Variants in RFTN1 observed in about 807,000 individuals in gnomAD.
RFTN1 encodes raftlin.
A neutral mutation model predicts 46.5 loss-of-function variants in RFTN1; 26 were observed. The ratio of observed to expected loss-of-function variants is 0.56; its 90% CI spans 0.41 to 0.78. The LOEUF is 0.78. RFTN1 is among the 30% of genes least tolerant of loss of function. The pLI is 0.00. For missense variants in RFTN1, 693 were observed against 718.7 expected (o/e 0.96, Z 0.41); for synonymous variants, 261 against 284.2 (o/e 0.92, Z 0.82).
In RFTN1 at chr3:16,353,413, C is replaced by G. The variant is rs889099713; in HGVS notation, c.1146+4519G>C. 3.3e-5 allele frequency among the ~76,000 whole-genome samples: 5 copies of G among 152,162 alleles called. No homozygotes were observed. Among genetic ancestry groups the G allele is most frequent in the Non-Finnish European group, 5.9e-5 (4 of 68,036 alleles). ...GAGGTGCGGGGGAACCTGTCCCGGACTGGACATTGCTGGGCTGTGCTGGTT... is the reference window on the plus strand; with the variant it reads ...GAGGTGCGGGGGAACCTGTCCCGGAGTGGACATTGCTGGGCTGTGCTGGTT... On this transcript the variant is annotated intron_variant, in intron 7 of 9. Coordinates refer to ENST00000334133, the MANE Select transcript of RFTN1 (RefSeq NM_015150.2). This position sits in a 1 kb window ranked among gnomAD's most constrained non-coding sequence, Gnocchi z 5.4.
At chr3:16,332,414 CTTCTT>C (rs1185829007) in intron 7 of RFTN1, among the ~76,000 whole-genome samples, 2 of 84,276 alleles carry the variant, frequency 2.4e-5, no homozygotes, top group Non-Finnish European at 5.2e-5. Flanking sequence ...CTTTTGATTG[CTTCTT>C]TTTTTTTTTT....
intron 1 of RFTN1, among the ~76,000 whole-genome samples, chr3:16,495,862 C>T (rs987424680): frequency 6.6e-6 from 1 of 152,228 alleles, no homozygotes; most frequent in Non-Finnish European, 1.5e-5. Flanking sequence ...TGCATCCCCC[C>T]TTGGGAACAA....
rs540868542 is a variant in RFTN1, at chr3:16,385,283, C to T, written c.442-7181G>A. On this transcript the variant is annotated intron_variant, in intron 4 of 9. Transcript: ENST00000334133. The surrounding 1 kb of genome is among the most constrained non-coding windows in gnomAD (Gnocchi z 5.0). The stretch of plus-strand genomic sequence containing the variant: ...TGAAAAGGGAGGCTCAAAAATAACA[C>T]GGGTTTGAGCTCACATCTGAAGCCG... 5.3e-5 allele frequency among the ~76,000 whole-genome samples: 8 copies of T among 152,242 alleles called. No homozygotes were observed. Among genetic ancestry groups the T allele is most frequent in the Non-Finnish European group, 2.9e-5 (2 of 68,026 alleles).
chr3:16,476,756 CTGTT>C (rs1376629440), intron 2 of RFTN1, among the ~76,000 whole-genome samples: 5 of 152,154 alleles, frequency 3.3e-5, no homozygotes, highest in African/African-American at 2.4e-5. Flanking sequence ...GTGGGGGAAA[CTGTT>C]TGTTTACTTT....
intron 2 of RFTN1, among the ~76,000 whole-genome samples, chr3:16,434,534 A>C (rs531431100): frequency 4.6e-5 from 7 of 152,216 alleles, no homozygotes; most frequent in African/African-American, 1.7e-4. Flanking sequence ...TAGCCTGGGC[A>C]ACAGAGCAAG....
At chr3:16,414,199 C>T (rs2075027647) in intron 3 of RFTN1, among the ~76,000 whole-genome samples, 1 of 151,894 alleles carries the variant, frequency 6.6e-6, no homozygotes, top group Non-Finnish European at 1.5e-5. Context: ...AAAACCTCTG[C>T]CTTTGTGGAG....
In RFTN1 at chr3:16,335,932, T is replaced by G. The variant is rs1323558836; in HGVS notation, c.1147-9056A>C. ...GGAAGTGGCCGACAGCAAGGACTGGTGGCAGCTGCTAGTGCAGAGGAGGCA... is the reference window on the plus strand; with the variant it reads ...GGAAGTGGCCGACAGCAAGGACTGGGGGCAGCTGCTAGTGCAGAGGAGGCA... On this transcript the variant is annotated intron_variant, in intron 7 of 9. Transcript: ENST00000334133. The surrounding 1 kb of genome is among the most constrained non-coding windows in gnomAD (Gnocchi z 4.7). 6.6e-6 allele frequency among the ~76,000 whole-genome samples: 1 copy of G among 152,198 alleles called. No homozygotes were observed. Among genetic ancestry groups the G allele is most frequent in the Non-Finnish European group, 1.5e-5 (1 of 68,028 alleles).
chr3:16,463,134 C>CTTTTTA (rs1451003572), intron 2 of RFTN1, among the ~76,000 whole-genome samples: 1 of 152,104 alleles, frequency 6.6e-6, no homozygotes, highest in Non-Finnish European at 1.5e-5. Flanking sequence ...TATGCTTTTT[C>CTTTTTA]TTTTTATTTA....
rs1384206349 is a variant in RFTN1, at chr3:16,351,078, G to T, written c.1146+6854C>A. ...ATGTGTTATTACACAGGATTCACAG[G>T]ATTATGAGACAGGGTTACAGGCCAG... is the stretch of plus-strand genomic sequence containing the variant. On this transcript the variant is annotated intron_variant, in intron 7 of 9. Transcript: ENST00000334133. The surrounding 1 kb of genome is among the most constrained non-coding windows in gnomAD (Gnocchi z 5.4). 6.6e-6 allele frequency among the ~76,000 whole-genome samples: 1 copy of T among 152,212 alleles called. No homozygotes were observed. Among genetic ancestry groups the T allele is most frequent in the Non-Finnish European group, 1.5e-5 (1 of 68,044 alleles).
In RFTN1 at chr3:16,429,996, A is replaced by G. The variant is rs1317280883; in HGVS notation, c.332+3855T>C. ...TCTATAACTGTCAGAACTTTGGCAG[A>G]CTTTGTGAAAAGTATCACTTTAACT... On this transcript the variant is annotated intron_variant, in intron 3 of 9. Coordinates refer to ENST00000334133, the MANE Select transcript of RFTN1 (RefSeq NM_015150.2). This position sits in a 1 kb window ranked among gnomAD's most constrained non-coding sequence, Gnocchi z 6.4. Among the ~76,000 whole-genome samples, 3 of 152,254 alleles carry G rather than the reference A, an allele frequency of 2.0e-5. No individual in the cohort carries two copies. The highest frequency in any genetic ancestry group is 7.2e-5 in the African/African-American group (3 of 41,464).
At position 16,330,860 on chromosome 3, in the gene RFTN1, G is replaced by A. The variant is rs191380673; in HGVS notation, c.1147-3984C>T. Among the ~76,000 whole-genome samples the A allele has an allele frequency of 6.0e-3, 913 of 152,286 alleles. 4 individuals are homozygous for A. The highest frequency in any genetic ancestry group is 0.037 in the Middle Eastern group (11 of 294). ...ATGTTTGTCTTTTGATGATTTAAAA[G>A]ATCTTCTATGCAGAGAAATAATTAG... On this transcript the variant is annotated intron_variant, in intron 7 of 9. Transcript: ENST00000334133.
chr3:16,347,727 TTACTATA>T (rs1311622699), intron 7 of RFTN1: 2 of 152,242 alleles, frequency 1.3e-5, no homozygotes, highest in Non-Finnish European at 2.9e-5. Flanking sequence ...GATTCAGTCT[TTACTATA>T]TACACATTTG....
chr3:16,386,895 AAGT>A (rs2074197421), intron 4 of RFTN1, among the ~76,000 whole-genome samples: 1 of 152,200 alleles, frequency 6.6e-6, no homozygotes, highest in Non-Finnish European at 1.5e-5. Context: ...GGGAGACAAA[AAGT>A]AGAGGCAGCA....
Position 16,466,523 on chromosome 3 carries a change from A to G in RFTN1, c.145+27202T>C, listed in dbSNP as rs931173648. Among the ~76,000 whole-genome samples the G allele has an allele frequency of 5.3e-5, 8 of 152,210 alleles. No homozygotes were observed. Among genetic ancestry groups the G allele is most frequent in the Non-Finnish European group, 8.8e-5 (6 of 68,028 alleles). ...CCTTCTGTTCTTTGATGAACACTTA[A>G]GGCCGTTTCAGAGAAGCAGCCATTA... is the stretch of plus-strand genomic sequence containing the variant. On this transcript the variant is annotated intron_variant, in intron 2 of 9. Coordinates refer to ENST00000334133, the MANE Select transcript of RFTN1 (RefSeq NM_015150.2). The surrounding 1 kb of genome is among the most constrained non-coding windows in gnomAD (Gnocchi z 5.6).
At position 16,513,217 on chromosome 3, in the gene RFTN1, A is replaced by G. The variant is rs938390295; in HGVS notation, c.-9+225T>C. On this transcript the variant is annotated intron_variant, in intron 1 of 9. Coordinates refer to ENST00000334133, the MANE Select transcript of RFTN1 (RefSeq NM_015150.2). This position sits in a 1 kb window ranked among gnomAD's most constrained non-coding sequence, Gnocchi z 5.4. ...CCCTACACCCGTTCCCCGCAAAAAA[A>G]AGTTGGCCCAAGATCCAGGCGTCCC... The G allele has an allele frequency of 1.2e-4, 19 of 152,638 alleles. No individual in the cohort carries two copies. Among genetic ancestry groups the G allele is most frequent in the African/African-American group, 4.1e-4 (17 of 41,446 alleles). 9.5% of individuals were successfully genotyped at this position (152,638 alleles called of 1,614,324 possible).
chr3:16,414,868 T>C (rs556147563), intron 3 of RFTN1, among the ~76,000 whole-genome samples: 1 of 152,212 alleles, frequency 6.6e-6, no homozygotes, highest in East Asian at 1.9e-4. Flanking sequence ...CGGGGCTCAG[T>C]GCAGAGGGGT....
chr3:16,499,809 T>C lies in RFTN1; in HGVS notation c.-8-5932A>G, dbSNP rs1394912546. ...CATTTGGGTTGTTTCTGGCACTGGC[T>C]GATTATGAATGAAGTGGCTATAAAC... is the stretch of plus-strand genomic sequence containing the variant. On this transcript the variant is annotated intron_variant, in intron 1 of 9. Coordinates refer to ENST00000334133, the MANE Select transcript of RFTN1 (RefSeq NM_015150.2). This position sits in a 1 kb window ranked among gnomAD's most constrained non-coding sequence, Gnocchi z 4.9. Among the ~76,000 whole-genome samples, 3 of 152,238 alleles carry C rather than the reference T, an allele frequency of 2.0e-5. No homozygotes were observed. Among genetic ancestry groups the C allele is most frequent in the African/African-American group, 7.2e-5 (3 of 41,454 alleles).
chr3:16,424,340 G>A lies in RFTN1; in HGVS notation c.332+9511C>T, dbSNP rs2075249282. ...CATTTTCCTAGACATAAAATGAGAA[G>A]TGGGGAATGAGGGAAGGTCATGGTA... On this transcript the variant is annotated intron_variant, in intron 3 of 9. Coordinates refer to ENST00000334133, the MANE Select transcript of RFTN1 (RefSeq NM_015150.2). This position sits in a 1 kb window ranked among gnomAD's most constrained non-coding sequence, Gnocchi z 4.7. Among the ~76,000 whole-genome samples, 1 of 152,222 alleles carries A rather than the reference G, an allele frequency of 6.6e-6. No individual in the cohort carries two copies. The highest frequency in any genetic ancestry group is 6.5e-5 in the Admixed American group (1 of 15,282).
In RFTN1 at chr3:16,449,860, G is replaced by A. The variant is rs1328528697; in HGVS notation, c.146-15823C>T. On this transcript the variant is annotated intron_variant, in intron 2 of 9. Transcript: ENST00000334133. The surrounding 1 kb of genome is among the most constrained non-coding windows in gnomAD (Gnocchi z 5.1). ...TGGAAAGGGATGTGAGGAGGAAGGG[G>A]CAGGGCGTGTCTGCAATGGAACTGC... Among the ~76,000 whole-genome samples the A allele has an allele frequency of 2.6e-5, 4 of 152,188 alleles. No homozygotes were observed. Among genetic ancestry groups the A allele is most frequent in the Non-Finnish European group, 5.9e-5 (4 of 68,034 alleles).
Sources: allele counts gnomAD v4.1 joint callset (sites outside exome capture counted in the v4.1 genomes callset), GRCh38; gene constraint gnomAD v4.1.1; non-coding constraint Gnocchi (gnomAD v3.1); transcripts MANE v1.5; gene names NCBI Gene and HGNC (gene_info 2026-07-23, HGNC 2026-07-21).